The following PRIM2 variants were observed in gnomAD, a reference collection of about 807,000 sequenced individuals.
PRIM2 encodes DNA primase large subunit.
Under a neutral mutation model 67.3 loss-of-function variants are expected in PRIM2, and 39 were observed. The observed-to-expected ratio is 0.58, with a 90% confidence interval of 0.45 to 0.76. PRIM2 has a LOEUF of 0.76. PRIM2 is among the 30% of genes least tolerant of loss of function. PRIM2 has a pLI of 0.00. For missense variants in PRIM2, 398 were observed against 598.7 expected (o/e 0.66, Z 3.50); for synonymous variants, 143 against 198.7 (o/e 0.72, Z 2.36).
At chr6:57,269,336 T>TGA in the PRIM2 span, among the ~76,000 whole-genome samples, 1 of 152,084 alleles carries the variant, frequency 6.6e-6, no homozygotes, top group African/African-American at 2.4e-5. Flanking sequence ...CTAACTGGTG[T>TGA]GAGATGGTAT....
rs1382600769 is a variant in PRIM2 at position 57,543,394 on chromosome 6, A to C, written c.1020+5769A>C. Among the ~76,000 whole-genome samples the C allele has an allele frequency of 4.5e-3, 678 of 152,326 alleles. 3 individuals carry two copies. Among genetic ancestry groups the C allele is most frequent in the Non-Finnish European group, 7.7e-3 (526 of 68,026 alleles). Reference sequence around the variant, plus strand: ...AGTGTAAGAAAAATGATGTGGTAACAGTCAATTTCAACTGGAATTTTTCTG... The same window carrying C: ...AGTGTAAGAAAAATGATGTGGTAACCGTCAATTTCAACTGGAATTTTTCTG... On this transcript the variant is annotated intron_variant, in intron 10 of 13. Coordinates refer to ENST00000615550, the MANE Select transcript of PRIM2 (RefSeq NM_000947.5).
At chr6:57,459,958 GA>G (rs1418446978) in intron 7 of PRIM2, among the ~76,000 whole-genome samples, 3 of 152,338 alleles carry the variant, frequency 2.0e-5, no homozygotes, top group Non-Finnish European at 2.9e-5. Flanking sequence ...TGCAGCAGAA[GA>G]GGGTGTGAGG....
intron 5 of PRIM2, among the ~76,000 whole-genome samples, chr6:57,369,961 CCTATTGTACACA>C (rs1769489880): frequency 1.3e-5 from 2 of 152,138 alleles, no homozygotes; most frequent in Non-Finnish European, 2.9e-5. Context: ...GTATGTTAGG[CCTATTGTACACA>C]CTTTACATAC....
intron 10 of PRIM2, among the ~76,000 whole-genome samples, chr6:57,544,980 G>GA (rs1775255726): frequency 6.6e-6 from 1 of 152,108 alleles, no homozygotes; most frequent in Non-Finnish European, 1.5e-5. Context: ...TTCGATATGA[G>GA]AAAAAATAAT....
At chr6:57,546,220 T>A (rs1267612472) in intron 10 of PRIM2, among the ~76,000 whole-genome samples, 4 of 152,240 alleles carry the variant, frequency 2.6e-5, no homozygotes, top group African/African-American at 9.6e-5. Flanking sequence ...TCTGATTATA[T>A]AGGCCAACAT....
rs539582815 is a variant in PRIM2, at chr6:57,402,577, A to G, written c.693+20409A>G. Among the ~76,000 whole-genome samples, 661 of 152,336 alleles carry G rather than the reference A, an allele frequency of 4.3e-3. 5 individuals carry two copies. The highest frequency in any genetic ancestry group is 0.015 in the African/African-American group (636 of 41,578). ...GGGTAAATGGAGATGTGCAGCTTAC[A>G]GAGAGTAGTAGATGTAAATGGTTAG... On this transcript the variant is annotated intron_variant, in intron 7 of 13. Coordinates refer to ENST00000615550, the MANE Select transcript of PRIM2 (RefSeq NM_000947.5).
the PRIM2 span, among the ~76,000 whole-genome samples, chr6:57,247,148 GC>G: frequency 6.6e-6 from 1 of 152,132 alleles, no homozygotes; most frequent in African/African-American, 2.4e-5. Context: ...GCCACACCGC[GC>G]CCGGCCTGGA....
chr6:57,365,415 G>A (rs567970181), intron 5 of PRIM2, among the ~76,000 whole-genome samples: 9 of 150,930 alleles, frequency 6.0e-5, no homozygotes, highest in South Asian at 2.1e-4. Context: ...AATTATTAGC[G>A]GAATTGAACA....
At chr6:57,565,145 A>G (rs1238471953) in intron 10 of PRIM2, among the ~76,000 whole-genome samples, 1 of 152,196 alleles carries the variant, frequency 6.6e-6, no homozygotes, top group Non-Finnish European at 1.5e-5. Flanking sequence ...ATAATAGTTT[A>G]TGAAACAAGT....
chr6:57,500,291 G>A (rs1554346743), intron 7 of PRIM2, among the ~76,000 whole-genome samples: 4 of 152,088 alleles, frequency 2.6e-5, no homozygotes, highest in Non-Finnish European at 4.4e-5. Context: ...CCTCCAAGCC[G>A]TTCCTCACCC....
At chr6:57,495,651 C>T (rs1773988636) in intron 7 of PRIM2, among the ~76,000 whole-genome samples, 1 of 152,136 alleles carries the variant, frequency 6.6e-6, no homozygotes, top group Non-Finnish European at 1.5e-5. Context: ...TTTCCAAGGA[C>T]TATGTTTTGT....
chr6:57,524,215 C>T, intron 8 of PRIM2, among the ~76,000 whole-genome samples: 1 of 152,312 alleles, frequency 6.6e-6, no homozygotes, highest in Middle Eastern at 3.4e-3. Context: ...TTTCTCTTTT[C>T]AGCCTATAAA....
chr6:57,444,743 G>A (rs968408832), intron 7 of PRIM2, among the ~76,000 whole-genome samples: 3 of 152,054 alleles, frequency 2.0e-5, no homozygotes, highest in African/African-American at 7.3e-5. Flanking sequence ...ATTTACGAAG[G>A]TTATAAGAAG....
At chr6:57,444,543 G>A (rs1293707707) in intron 7 of PRIM2, among the ~76,000 whole-genome samples, 3 of 150,842 alleles carry the variant, frequency 2.0e-5, no homozygotes, top group Admixed American at 6.6e-5. Context: ...TTCCAGCCTG[G>A]GTGACAGGGC....
chr6:57,421,281 T>C (rs1331813074), intron 7 of PRIM2, among the ~76,000 whole-genome samples: 1 of 152,214 alleles, frequency 6.6e-6, no homozygotes, highest in Non-Finnish European at 1.5e-5. Context: ...AAAATTTTAT[T>C]AGACATATTT....
At chr6:57,528,943 C>G (rs1355916088) in intron 8 of PRIM2, among the ~76,000 whole-genome samples, 2 of 152,128 alleles carry the variant, frequency 1.3e-5, no homozygotes, top group Non-Finnish European at 2.9e-5. Flanking sequence ...ATTATTAGTG[C>G]CATTTTACAA....
At chr6:57,486,866 T>C (rs1288785134) in intron 7 of PRIM2, among the ~76,000 whole-genome samples, 7 of 152,222 alleles carry the variant, frequency 4.6e-5, no homozygotes, top group Admixed American at 4.6e-4. Flanking sequence ...TGGTTGGTTA[T>C]TTATATAAAA....
At chr6:57,602,121 G>A (rs1404956405) in intron 11 of PRIM2, among the ~76,000 whole-genome samples, 7 of 150,656 alleles carry the variant, frequency 4.6e-5, no homozygotes, top group Admixed American at 3.3e-4. Flanking sequence ...GTGCAATGGC[G>A]CGATCTCGGC....
At position 57,646,270 on chromosome 6, in the gene PRIM2, T is replaced by C; in HGVS notation, c.*112T>C. On this transcript the variant is annotated 3_prime_UTR_variant, in exon 14 of 14. Transcript: ENST00000615550. ...ACCAAGGCTTAGTGCAGTGACACAATTACAGCTGATTGCAGCCTTGACCTT... is the reference window on the plus strand; with the variant it reads ...ACCAAGGCTTAGTGCAGTGACACAACTACAGCTGATTGCAGCCTTGACCTT... 1 of 633,288 alleles carries C rather than the reference T, an allele frequency of 1.6e-6. No homozygotes were observed. The allele number at this position is 633,288 out of a possible 1,614,324, so 39.2% of individuals were successfully genotyped here.
Sources: gnomAD v4.1 joint callset for allele counts (sites outside exome capture counted in the v4.1 genomes callset) on GRCh38, gnomAD v4.1.1 for gene constraint, MANE v1.5 for transcripts, NCBI Gene and HGNC (gene_info 2026-07-23, HGNC 2026-07-21) for gene names.